CKM: variants seen among roughly 807,000 people sequenced by gnomAD.
The protein encoded by CKM is creatine kinase M-type.
Under a neutral mutation model 35.4 loss-of-function variants are expected in CKM, and 28 were observed. The ratio of observed to expected loss-of-function variants is 0.79; its 90% CI spans 0.59 to 1.08. The LOEUF (loss-of-function observed/expected upper bound fraction) is 1.08. Among genes scored for constraint, CKM ranks in the 50% least tolerant of loss-of-function variants. The pLI is 0.00. For missense variants in CKM, 484 were observed against 509.8 expected (o/e 0.95, Z 0.49); for synonymous variants, 215 against 204.4 (o/e 1.05, Z -0.44).
intron 5 of CKM, 73 bp from the exon 6 acceptor site, chr19:45,308,605 A>G: frequency 6.3e-7 from 1 of 1,594,412 alleles, no homozygotes; most frequent in South Asian, 1.1e-5. Context: ...CCTCCCCCAA[A>G]ACATCTGCCC....
chr19:45,307,226 C>T (rs1224394223), intron 7 of CKM, among the ~76,000 whole-genome samples: 1 of 152,102 alleles, frequency 6.6e-6, no homozygotes, highest in Admixed American at 6.6e-5. Flanking sequence ...ACTGAGGCCC[C>T]GAGGGAGGTC....
chr19:45,317,797 G>A (rs757240894), intron 3 of CKM, 28 bp downstream of exon 3: 68 of 1,612,962 alleles, frequency 4.2e-5, no homozygotes, highest in Non-Finnish European at 4.7e-5. Flanking sequence ...CTCACCCCTC[G>A]GCCCTCCCCT....
rs2045909821 is a variant in CKM at position 45,315,583 on chromosome 19, C to A, written c.363G>T (p.Leu121=). 6.2e-7 allele frequency: 1 copy of A among 1,604,022 alleles called. No individual in the cohort carries two copies. Among genetic ancestry groups the A allele is most frequent in the Non-Finnish European group, 8.5e-7 (1 of 1,179,946 alleles). The change falls in exon 4 of 8, where the codon CTG becomes CTT. Residue 121 remains leucine (L), a synonymous_variant. Coordinates refer to ENST00000221476, the MANE Select transcript of CKM (RefSeq NM_001824.5). ...GGCTGCTGAGCACGTAGTTAGGGTC[C>A]AGGTCGTCTCCACCCTGGAGAGCGG... The part of the protein sequence containing the change: ...NHENLKGGDD[L]DPNYVLSSRV...
chr19:45,318,254 A>G (rs1971178852), intron 2 of CKM, among the ~76,000 whole-genome samples: 2 of 152,046 alleles, frequency 1.3e-5, no homozygotes, highest in African/African-American at 4.8e-5. Flanking sequence ...CTAAAAATAC[A>G]AAAATTAGCT....
rs752042970 is a variant in CKM, at chr19:45,311,835, A to G, written c.567T>C (p.Asp189=). Residue 189 remains aspartate, a synonymous_variant, in exon 5 of 8, where the codon GAT becomes GAC. Coordinates refer to ENST00000221476, the MANE Select transcript of CKM (RefSeq NM_001824.5). The part of the protein sequence containing the change: ...MTEKEQQQLI[D]DHFLFDKPVS... ...CGGGCTTGTCGAACAGGAAGTGGTC[A>G]TCGATGAGCTGCTGCTGCTCCTTCT... 4 of 1,613,564 alleles carry G rather than the reference A, an allele frequency of 2.5e-6. No homozygotes were observed. Among genetic ancestry groups the G allele is most frequent in the South Asian group, 2.2e-5 (2 of 90,880 alleles).
chr19:45,321,465 G>A (rs1381181984), intron 1 of CKM, among the ~76,000 whole-genome samples: 1 of 152,082 alleles, frequency 6.6e-6, no homozygotes, highest in Non-Finnish European at 1.5e-5. Flanking sequence ...GTGACCCCAG[G>A]CCAGTCACTA....
At chr19:45,307,800 C>T in intron 6 of CKM, 150 bp from the exon 7 acceptor site, 3 of 642,070 alleles carry the variant, frequency 4.7e-6, no homozygotes, top group Admixed American at 5.1e-5. Flanking sequence ...TCCGAGGGTG[C>T]TGGCTAGACA....
In CKM at chr19:45,311,836, T is replaced by C. The variant is rs1349576044; in HGVS notation, c.566A>G (p.Asp189Gly). Residue 189 changes from aspartate (D) to glycine (G), a missense_variant, in exon 5 of 8, where the codon GAT becomes GGT. By Grantham distance (94) the Asp-to-Gly change is moderately conservative. Transcript: ENST00000221476. Reference sequence around the variant, plus strand: ...GGGCTTGTCGAACAGGAAGTGGTCATCGATGAGCTGCTGCTGCTCCTTCTC... The same window carrying C: ...GGGCTTGTCGAACAGGAAGTGGTCACCGATGAGCTGCTGCTGCTCCTTCTC... ...MTEKEQQQLI[D>G]DHFLFDKPVS... 6.8e-6 allele frequency: 11 copies of C among 1,613,428 alleles called. No individual in the cohort carries two copies. Among genetic ancestry groups the C allele is most frequent in the African/African-American group, 1.3e-5 (1 of 74,900 alleles).
intron 5 of CKM, among the ~76,000 whole-genome samples, chr19:45,310,336 G>A (rs1352856228): frequency 5.9e-5 from 9 of 151,374 alleles, no homozygotes; most frequent in Non-Finnish European, 1.0e-4. Context: ...TAGCCAGGAT[G>A]GTCTCGATCT....
intron 5 of CKM, among the ~76,000 whole-genome samples, chr19:45,309,610 C>G (rs947141827): frequency 1.3e-5 from 2 of 150,236 alleles, no homozygotes; most frequent in African/African-American, 4.9e-5. Flanking sequence ...GCTTGTAATC[C>G]CAGCACTTTG....
intron 6 of CKM, 37 bp from the exon 7 acceptor site, chr19:45,307,687 C>A (rs1207584019): frequency 1.9e-6 from 3 of 1,579,586 alleles, no homozygotes; most frequent in Non-Finnish European, 2.6e-6. Context: ...TCAGCGCCGG[C>A]AGGCACCCCC....
At chr19:45,310,752 C>A (rs955161206) in intron 5 of CKM, among the ~76,000 whole-genome samples, 1 of 142,464 alleles carries the variant, frequency 7.0e-6, no homozygotes, top group African/African-American at 2.6e-5. Flanking sequence ...TACGCCATCA[C>A]GCCTGGCTTT....
intron 4 of CKM, among the ~76,000 whole-genome samples, chr19:45,313,608 A>C (rs960310061): frequency 4.6e-5 from 7 of 152,194 alleles, no homozygotes; most frequent in African/African-American, 1.4e-4. Flanking sequence ...GTGGTTTGGG[A>C]GGCTGAGGCA....
chr19:45,316,986 T>C (rs541477782), intron 3 of CKM, among the ~76,000 whole-genome samples: 39 of 152,102 alleles, frequency 2.6e-4, no homozygotes, highest in Admixed American at 5.3e-4. Flanking sequence ...TGCCCGGCTA[T>C]GCCTCTTCCT....
chr19:45,319,870 A>C, intron 1 of CKM, 139 bp from the exon 2 acceptor site: 1 of 655,536 alleles, frequency 1.5e-6, no homozygotes. Context: ...GGCTCACTGC[A>C]AGCTCCACCT....
At chr19:45,311,246 T>G (rs1971106694) in intron 5 of CKM, among the ~76,000 whole-genome samples, 1 of 147,470 alleles carries the variant, frequency 6.8e-6, no homozygotes, top group Non-Finnish European at 1.5e-5. Context: ...TTTTGTTTGT[T>G]TTTTTTTGAG....
chr19:45,314,781 G>A (rs749995449), intron 4 of CKM, among the ~76,000 whole-genome samples: 2 of 151,352 alleles, frequency 1.3e-5, no homozygotes, highest in African/African-American at 4.9e-5. Context: ...GCACAATCAC[G>A]ATTCACTGCA....
Position 45,306,439 on chromosome 19 carries a change from G to A in CKM, c.*311C>T, listed in dbSNP as rs186189112. 55 of 439,336 alleles carry A rather than the reference G, an allele frequency of 1.3e-4. No homozygotes were observed. The East Asian group carries it at 2.0e-3, about 16-fold the overall frequency. 27.2% of individuals were successfully genotyped at this position (439,336 alleles called of 1,614,324 possible). A position where few individuals can be genotyped will look rare whatever the true frequency, so the allele number is the denominator to read the frequency against. On this transcript the variant is annotated 3_prime_UTR_variant, in exon 8 of 8. Transcript: ENST00000221476. This position sits in a 1 kb window ranked among gnomAD's most constrained non-coding sequence, Gnocchi z 4.5. Reference sequence around the variant, plus strand: ...AAGGCCACCAATGCTTTTATTTATCGCTTTGCGTGGAGACAAAGCACAAGC... The same window carrying A: ...AAGGCCACCAATGCTTTTATTTATCACTTTGCGTGGAGACAAAGCACAAGC...
Position 45,307,461 on chromosome 19 carries a change from C to T in CKM, c.967G>A (p.Gly323Ser), listed in dbSNP as rs745611967. 11 of 1,613,632 alleles carry T rather than the reference C, an allele frequency of 6.8e-6. No individual in the cohort carries two copies. The Admixed American group carries it at 8.3e-5, about 12-fold the overall frequency. The part of the protein sequence containing the change: ...TRLRLQKRGT[G>S]GVDTAAVGSV... ...GGTGCAAAGGATGTGGGAGCCGTAC[C>T]TGTACCCCTCTTCTGCAGACGCAGG... Residue 323 changes from glycine (G) to serine (S), a missense_variant and splice_region_variant, in exon 7 of 8, where the codon GGT becomes AGT. Gly to Ser is a moderately conservative substitution (Grantham distance 56). Coordinates refer to ENST00000221476, the MANE Select transcript of CKM (RefSeq NM_001824.5).
Sources: gnomAD v4.1 joint callset for allele counts (sites outside exome capture counted in the v4.1 genomes callset) on GRCh38, gnomAD v4.1.1 for gene constraint, Gnocchi (gnomAD v3.1) non-coding constraint, MANE v1.5 for transcripts, NCBI Gene and HGNC (gene_info 2026-07-23, HGNC 2026-07-21) for gene names.